Variants in ADAMTS17 observed in about 807,000 individuals in gnomAD.
ADAMTS17 encodes the protein A disintegrin and metalloproteinase with thrombospondin motifs 17.
A neutral mutation model predicts 141.5 loss-of-function variants in ADAMTS17; 113 were observed. That is an observed-to-expected ratio of 0.80 (90% CI 0.69 to 0.93). The LOEUF (loss-of-function observed/expected upper bound fraction) is 0.93. Among genes scored for constraint, ADAMTS17 ranks in the 40% least tolerant of loss-of-function variants. ADAMTS17 has a pLI of 0.00. For synonymous variants in ADAMTS17, 768 were observed against 630.6 expected, an observed-to-expected ratio of 1.22 and a Z score of -3.27; for missense variants, 1,659 against 1,517.9, an observed-to-expected ratio of 1.09 and a Z score of -1.54.
At chr15:100,093,724 C>T (rs1440796424) in intron 15 of ADAMTS17, among the ~76,000 whole-genome samples, 2 of 152,096 alleles carry the variant, frequency 1.3e-5, no homozygotes, top group African/African-American at 2.4e-5. Context: ...TCTCACAACA[C>T]GCCTGCTGGG....
At chr15:100,224,121 G>A (rs1316888058) in intron 7 of ADAMTS17, among the ~76,000 whole-genome samples, 5 of 152,032 alleles carry the variant, frequency 3.3e-5, no homozygotes, top group Admixed American at 2.0e-4. Context: ...TGACCCAAAT[G>A]TTAATCTCTT....
At chr15:100,241,873 C>A (rs78703214) in intron 7 of ADAMTS17, among the ~76,000 whole-genome samples, 1 of 152,024 alleles carries the variant, frequency 6.6e-6, no homozygotes, top group African/African-American at 2.4e-5. Context: ...CTAGTAACTC[C>A]GAAGGTTGCT....
chr15:100,120,150 C>A (rs56025332), intron 12 of ADAMTS17, among the ~76,000 whole-genome samples: 1 of 152,206 alleles, frequency 6.6e-6, no homozygotes, highest in African/African-American at 2.4e-5. Context: ...GAGGAGGAAG[C>A]ACCAGGAATC....
At chr15:100,216,930 G>A (rs2041986791) in intron 7 of ADAMTS17, among the ~76,000 whole-genome samples, 1 of 152,208 alleles carries the variant, frequency 6.6e-6, no homozygotes, top group South Asian at 2.1e-4. Flanking sequence ...GTTTTGTGAG[G>A]TCAGGGTGCC....
intron 3 of ADAMTS17, among the ~76,000 whole-genome samples, chr15:100,284,238 G>C (rs897778003): frequency 6.6e-6 from 1 of 151,830 alleles, no homozygotes; most frequent in Non-Finnish European, 1.5e-5. Context: ...GTGCCGTAAA[G>C]AGTGACACAC....
chr15:100,013,738 T>C (rs758716148), intron 18 of ADAMTS17, among the ~76,000 whole-genome samples: 15 of 152,342 alleles, frequency 9.8e-5, no homozygotes, highest in Non-Finnish European at 1.8e-4. Context: ...TGAAATCCAC[T>C]TGATCATGGT....
intron 8 of ADAMTS17, among the ~76,000 whole-genome samples, chr15:100,195,264 C>G (rs2041068108): frequency 6.6e-6 from 1 of 152,210 alleles, no homozygotes; most frequent in Non-Finnish European, 1.5e-5. Context: ...CTTGCCATCC[C>G]CCAGCTCGTG....
At chr15:100,196,050 T>C (rs1022512634) in intron 8 of ADAMTS17, among the ~76,000 whole-genome samples, 17 of 152,334 alleles carry the variant, frequency 1.1e-4, no homozygotes, top group South Asian at 8.3e-4. Context: ...ATAGTAGGTG[T>C]TCAATAAACA....
At chr15:100,080,943 T>C (rs1429364119) in intron 15 of ADAMTS17, among the ~76,000 whole-genome samples, 2 of 152,204 alleles carry the variant, frequency 1.3e-5, no homozygotes, top group African/African-American at 4.8e-5. Context: ...GAGATGTGTA[T>C]GGGTTCAAGT....
chr15:100,259,499 G>A (rs1267118176), intron 6 of ADAMTS17, among the ~76,000 whole-genome samples: 3 of 152,212 alleles, frequency 2.0e-5, no homozygotes, highest in Admixed American at 1.3e-4. Flanking sequence ...ACTGGAGTGG[G>A]CAAGTCCAGG....
chr15:100,123,793 C>G (rs2037574730), intron 12 of ADAMTS17, among the ~76,000 whole-genome samples: 1 of 152,210 alleles, frequency 6.6e-6, no homozygotes, highest in Non-Finnish European at 1.5e-5. Flanking sequence ...CGTGCAAGAG[C>G]TCCTGGACCC....
rs1345914702 is a variant in ADAMTS17, at chr15:99,971,676, G to C, written c.*2726C>G. ...AAAAAAGGACAATCGTATTGCCATAGAGGCTCTTTTCCTGCATTCTGATCC... is the reference window on the plus strand; with the variant it reads ...AAAAAAGGACAATCGTATTGCCATACAGGCTCTTTTCCTGCATTCTGATCC... On this transcript the variant is annotated 3_prime_UTR_variant, in exon 22 of 22. Coordinates refer to ENST00000268070, the MANE Select transcript of ADAMTS17 (RefSeq NM_139057.4). The C allele has an allele frequency of 2.6e-5, 4 of 152,156 alleles. No individual in the cohort carries two copies. The highest frequency in any genetic ancestry group is 2.1e-4 in the South Asian group (1 of 4,826). The allele number at this position is 152,156 out of a possible 1,614,324, so 9.4% of individuals were successfully genotyped here.
At chr15:100,178,244 C>G (rs1253234379) in intron 8 of ADAMTS17, among the ~76,000 whole-genome samples, 2 of 152,078 alleles carry the variant, frequency 1.3e-5, no homozygotes, top group African/African-American at 4.8e-5. Flanking sequence ...TTTTTCTAGA[C>G]ATCCTGTGGG....
intron 15 of ADAMTS17, among the ~76,000 whole-genome samples, chr15:100,066,568 C>T (rs1233251715): frequency 6.6e-6 from 1 of 152,220 alleles, no homozygotes; most frequent in Non-Finnish European, 1.5e-5. Flanking sequence ...CTGGCTTTAT[C>T]TATAAATGTC....
chr15:100,202,739 G>A (rs933290523), intron 7 of ADAMTS17, among the ~76,000 whole-genome samples: 16 of 152,294 alleles, frequency 1.1e-4, no homozygotes, highest in African/African-American at 2.4e-4. Flanking sequence ...GGGAAAACCC[G>A]CCAAATCCCC....
chr15:100,183,040 G>T (rs1053248678), intron 8 of ADAMTS17, among the ~76,000 whole-genome samples: 3 of 152,002 alleles, frequency 2.0e-5, no homozygotes, highest in Non-Finnish European at 4.4e-5. Flanking sequence ...CCAGGCTGGA[G>T]TGCGGTGGCA....
Position 100,059,311 on chromosome 15 carries a change from G to A in ADAMTS17, c.2138-5257C>T, listed in dbSNP as rs530606168. On this transcript the variant is annotated intron_variant, in intron 15 of 21. Transcript: ENST00000268070. Reference sequence around the variant, plus strand: ...CGCCGCAGTGGCTGCAAGTTCTGGCGCACTGCAAATGCAGCTTTCCAGCTC... The same window carrying A: ...CGCCGCAGTGGCTGCAAGTTCTGGCACACTGCAAATGCAGCTTTCCAGCTC... 5.3e-5 allele frequency among the ~76,000 whole-genome samples: 8 copies of A among 152,378 alleles called. No homozygotes were observed. The South Asian group carries it at 8.3e-4, about 16-fold the overall frequency.
chr15:100,179,839 C>G (rs371852965), intron 8 of ADAMTS17, among the ~76,000 whole-genome samples: 14 of 152,020 alleles, frequency 9.2e-5, no homozygotes, highest in Non-Finnish European at 1.8e-4. Context: ...TGAAAAATGT[C>G]TATTCAGATC....
chr15:100,104,224 G>A (rs1386600662), intron 14 of ADAMTS17, among the ~76,000 whole-genome samples: 5 of 152,130 alleles, frequency 3.3e-5, no homozygotes, highest in Non-Finnish European at 4.4e-5. Flanking sequence ...TTATTAACCC[G>A]GTGTCTCTCC....
Sources: gnomAD v4.1 joint callset for allele counts (sites outside exome capture counted in the v4.1 genomes callset) on GRCh38, gnomAD v4.1.1 for gene constraint, MANE v1.5 for transcripts, NCBI Gene and HGNC (gene_info 2026-07-23, HGNC 2026-07-21) for gene names.